Variants in ASIC2 observed in about 807,000 individuals in gnomAD.
ASIC2 encodes the protein acid sensing ion channel subunit 2.
A neutral mutation model predicts 57.3 loss-of-function variants in ASIC2; 25 were observed. The ratio of observed to expected loss-of-function variants is 0.44; its 90% CI spans 0.32 to 0.61. The LOEUF is 0.61. Ranked by LOEUF, ASIC2 falls within the 20% of genes least tolerant of loss-of-function variation. The pLI, the probability that ASIC2 is intolerant of heterozygous loss-of-function variation, is 0.06. For synonymous variants in ASIC2, 319 were observed against 307.5 expected, an observed-to-expected ratio of 1.04 and a Z score of -0.39; for missense variants, 641 against 738.1, an observed-to-expected ratio of 0.87 and a Z score of 1.52.
chr17:33,145,634 G>A (rs1042854672), intron 1 of ASIC2, among the ~76,000 whole-genome samples: 6 of 152,114 alleles, frequency 3.9e-5, no homozygotes, highest in Non-Finnish European at 5.9e-5. Context: ...CTGACAATAC[G>A]TGATTTATTT....
intron 1 of ASIC2, among the ~76,000 whole-genome samples, chr17:33,378,414 C>G (rs989736537): frequency 2.0e-5 from 3 of 152,156 alleles, no homozygotes; most frequent in Admixed American, 2.0e-4. Context: ...GGGCTAGCAG[C>G]TGCAGGCCCT....
chr17:33,603,179 A>C (rs1032978507), intron 1 of ASIC2, among the ~76,000 whole-genome samples: 2 of 152,230 alleles, frequency 1.3e-5, no homozygotes, highest in African/African-American at 4.8e-5. Flanking sequence ...AACAGGGCCA[A>C]CACACATCCA....
intron 1 of ASIC2, among the ~76,000 whole-genome samples, chr17:33,632,936 G>A (rs1216695428): frequency 9.2e-5 from 14 of 152,320 alleles, no homozygotes; most frequent in Non-Finnish European, 4.4e-5. Flanking sequence ...GTTCCAGGAG[G>A]TTTGATAACT....
intron 1 of ASIC2, among the ~76,000 whole-genome samples, chr17:33,177,952 C>T (rs8069909): frequency 0.12 from 18,195 of 152,026 alleles, 1,491 homozygotes; most frequent in African/African-American, 0.22. Context: ...AACTGAGGGC[C>T]TTTTCTCCAG....
chr17:33,456,554 A>G (rs776193676), intron 1 of ASIC2, among the ~76,000 whole-genome samples: 3 of 152,134 alleles, frequency 2.0e-5, no homozygotes, highest in Non-Finnish European at 2.9e-5. Flanking sequence ...TCTTTTCTCC[A>G]CTGGGTTTTC....
chr17:34,131,136 T>C (rs1911943486), intron 1 of ASIC2, among the ~76,000 whole-genome samples: 1 of 152,038 alleles, frequency 6.6e-6, no homozygotes, highest in African/African-American at 2.4e-5. Flanking sequence ...GAGTGAATTG[T>C]ATATTACGGC....
intron 1 of ASIC2, among the ~76,000 whole-genome samples, chr17:33,360,580 A>G (rs1197989377): frequency 6.6e-6 from 1 of 152,184 alleles, no homozygotes; most frequent in Non-Finnish European, 1.5e-5. Context: ...CTAATATGCA[A>G]TTGTTGTTTT....
At chr17:33,033,325 T>C (rs1305467534) in intron 3 of ASIC2, among the ~76,000 whole-genome samples, 5 of 152,154 alleles carry the variant, frequency 3.3e-5, no homozygotes, top group African/African-American at 1.2e-4. Flanking sequence ...TTCTGGGAGC[T>C]GGCAACAGGC....
intron 1 of ASIC2, among the ~76,000 whole-genome samples, chr17:33,746,961 A>C (rs139833644): frequency 6.6e-6 from 1 of 152,328 alleles, no homozygotes; most frequent in East Asian, 1.9e-4. Flanking sequence ...TGAGAAAATA[A>C]ATCACAAGGG....
intron 1 of ASIC2, among the ~76,000 whole-genome samples, chr17:34,045,511 A>C (rs575074921): frequency 6.6e-6 from 1 of 152,282 alleles, no homozygotes; most frequent in South Asian, 2.1e-4. Context: ...TAATGGAAAA[A>C]CTTCAAGACC....
intron 1 of ASIC2, among the ~76,000 whole-genome samples, chr17:34,044,808 G>A (rs1908276837): frequency 6.6e-6 from 1 of 152,178 alleles, no homozygotes; most frequent in Non-Finnish European, 1.5e-5. Flanking sequence ...TGCTGATGAA[G>A]ACTTCACATT....
intron 1 of ASIC2, among the ~76,000 whole-genome samples, chr17:33,321,595 A>T (rs999546358): frequency 1.3e-5 from 2 of 152,086 alleles, no homozygotes; most frequent in East Asian, 1.9e-4. Context: ...TCTAGCATTT[A>T]TTATTATTAT....
intron 1 of ASIC2, among the ~76,000 whole-genome samples, chr17:33,932,428 G>A (rs928214608): frequency 6.6e-6 from 1 of 152,028 alleles, no homozygotes; most frequent in Non-Finnish European, 1.5e-5. Flanking sequence ...TAAAAGCCAG[G>A]CATGGTGGCT....
At chr17:34,016,533 G>A (rs73278478) in intron 1 of ASIC2, among the ~76,000 whole-genome samples, 7,719 of 151,840 alleles carry the variant, frequency 0.051, 652 homozygotes, top group African/African-American at 0.18. Flanking sequence ...TGTGTTTGAG[G>A]TAAACAAATA....
intron 1 of ASIC2, among the ~76,000 whole-genome samples, chr17:34,030,500 G>GAGTAGGTGCAGGAC: frequency 6.6e-6 from 1 of 152,222 alleles, no homozygotes; most frequent in South Asian, 2.1e-4. Context: ...GAGTGCCAGA[G>GAGTAGGTGCAGGAC]AGTAGGTGCA....
At chr17:33,127,716 G>A (rs577643711) in intron 1 of ASIC2, among the ~76,000 whole-genome samples, 122 of 152,102 alleles carry the variant, frequency 8.0e-4, no homozygotes, top group Non-Finnish European at 1.2e-3. Flanking sequence ...GCCTGCAACC[G>A]AGTGAGCTGC....
intron 1 of ASIC2, chr17:34,039,137 T>C (rs1444617542): frequency 3.1e-6 from 5 of 1,613,940 alleles, no homozygotes; most frequent in Non-Finnish European, 4.2e-6. Flanking sequence ...ATCTGCCGTC[T>C]CAAATCACAG....
At chr17:33,202,776 C>A (rs541571319) in intron 1 of ASIC2, among the ~76,000 whole-genome samples, 1 of 152,314 alleles carries the variant, frequency 6.6e-6, no homozygotes, top group South Asian at 2.1e-4. Context: ...TATTTAGCTT[C>A]ATCTTTCCAG....
At chr17:34,076,096 G>A (rs1265720344) in intron 1 of ASIC2, among the ~76,000 whole-genome samples, 3 of 151,708 alleles carry the variant, frequency 2.0e-5, no homozygotes, top group South Asian at 2.1e-4. Context: ...TCCGCCTCCC[G>A]GGTTCATGTC....
Sources: gnomAD v4.1 joint callset for allele counts (sites outside exome capture counted in the v4.1 genomes callset) on GRCh38, gnomAD v4.1.1 for gene constraint, MANE v1.5 for transcripts, NCBI Gene and HGNC (gene_info 2026-07-23, HGNC 2026-07-21) for gene names.